The following HDAC9 variants were observed in gnomAD, a reference collection of about 807,000 sequenced individuals.
HDAC9 encodes the protein MEF-2 interacting transcription repressor (MITR) protein.
Under a neutral mutation model 139.4 loss-of-function variants are expected in HDAC9, and 41 were observed. The ratio of observed to expected loss-of-function variants is 0.29; its 90% CI spans 0.23 to 0.38. The LOEUF is 0.38. Among genes scored for constraint, HDAC9 ranks in the 10% least tolerant of loss-of-function variants. The pLI, the probability that HDAC9 is intolerant of heterozygous loss-of-function variation, is 1.00. For missense variants in HDAC9, 1,147 were observed against 1,297.0 expected, an observed-to-expected ratio of 0.88 and a Z score of 1.78; for synonymous variants, 517 against 476.2, an observed-to-expected ratio of 1.09 and a Z score of -1.12.
chr7:18,343,510 T>A (rs1267488240), intron 1 of HDAC9, among the ~76,000 whole-genome samples: 1 of 151,866 alleles, frequency 6.6e-6, no homozygotes, highest in Non-Finnish European at 1.5e-5. Flanking sequence ...TGTGTTCAGC[T>A]CTGCTGTGTC....
At chr7:18,833,005 G>A (rs1795972029) in intron 19 of HDAC9, among the ~76,000 whole-genome samples, 1 of 151,930 alleles carries the variant, frequency 6.6e-6, no homozygotes, top group Admixed American at 6.6e-5. Context: ...CAAAGTGCTG[G>A]GATTACAGGC....
intron 3 of HDAC9, among the ~76,000 whole-genome samples, chr7:18,586,519 G>A (rs1829508015): frequency 6.6e-6 from 1 of 152,110 alleles, no homozygotes; most frequent in East Asian, 1.9e-4. Flanking sequence ...TCAAGTACAA[G>A]CACATTGATA....
At chr7:18,467,880 G>A (rs1794415396) in intron 1 of HDAC9, among the ~76,000 whole-genome samples, 1 of 151,954 alleles carries the variant, frequency 6.6e-6, no homozygotes, top group African/African-American at 2.4e-5. Context: ...GCCTTCCTCT[G>A]GTCCATGCCA....
At chr7:18,837,195 A>G (rs1796295738) in intron 21 of HDAC9, among the ~76,000 whole-genome samples, 2 of 151,770 alleles carry the variant, frequency 1.3e-5, no homozygotes, top group Non-Finnish European at 2.9e-5. Flanking sequence ...ACATTCTGGA[A>G]TGTGTACTTT....
intron 2 of HDAC9, chr7:18,543,630 C>T (rs909061376): frequency 6.6e-6 from 1 of 151,994 alleles, no homozygotes; most frequent in Non-Finnish European, 1.5e-5. Flanking sequence ...CACTAAATGC[C>T]AGATGCTATA....
At chr7:18,099,632 G>A (rs1477846617) in intron 1 of HDAC9, among the ~76,000 whole-genome samples, 1 of 152,116 alleles carries the variant, frequency 6.6e-6, no homozygotes, top group Non-Finnish European at 1.5e-5. Flanking sequence ...AAAGTATAAT[G>A]CTAAGACTAC....
chr7:18,205,225 A>G (rs945804108), intron 2 of HDAC9, among the ~76,000 whole-genome samples: 37 of 152,000 alleles, frequency 2.4e-4, no homozygotes, highest in African/African-American at 8.4e-4. Context: ...ACATTCTAAC[A>G]TATAATTAGA....
chr7:18,746,383 T>A (rs1036117905), intron 13 of HDAC9, among the ~76,000 whole-genome samples: 1 of 152,212 alleles, frequency 6.6e-6, no homozygotes, highest in African/African-American at 2.4e-5. Flanking sequence ...CCTGCTTGCC[T>A]GCTTCCTTTT....
chr7:18,272,337 A>G (rs1796405562), intron 2 of HDAC9, among the ~76,000 whole-genome samples: 1 of 152,342 alleles, frequency 6.6e-6, no homozygotes, highest in Non-Finnish European at 1.5e-5. Context: ...GGCATATTTA[A>G]GATTTTTTAA....
chr7:18,404,729 A>G (rs1449760185), intron 1 of HDAC9, among the ~76,000 whole-genome samples: 6 of 152,252 alleles, frequency 3.9e-5, no homozygotes, highest in African/African-American at 1.4e-4. Flanking sequence ...GATATAAACA[A>G]TAGTTAAGTT....
At chr7:18,549,913 CT>C (rs914005046) in intron 2 of HDAC9, among the ~76,000 whole-genome samples, 3 of 150,988 alleles carry the variant, frequency 2.0e-5, no homozygotes, top group African/African-American at 7.3e-5. Context: ...TTTTTTTCTT[CT>C]TCCTCCTCTT....
At chr7:18,938,230 C>CAAAAAAA (rs71553939) in intron 23 of HDAC9, among the ~76,000 whole-genome samples, 1 of 75,352 alleles carries the variant, frequency 1.3e-5, no homozygotes. Context: ...GACTCCGTCT[C>CAAAAAAA]AAAAAAAAAA....
At chr7:18,817,759 T>C (rs1216251713) in intron 17 of HDAC9, among the ~76,000 whole-genome samples, 1 of 152,196 alleles carries the variant, frequency 6.6e-6, no homozygotes, top group South Asian at 2.1e-4. Flanking sequence ...GGAGAAAAAC[T>C]GTACTATCCC....
chr7:18,578,959 A>G (rs765270976), intron 2 of HDAC9, among the ~76,000 whole-genome samples: 4 of 152,224 alleles, frequency 2.6e-5, no homozygotes, highest in Admixed American at 6.5e-5. Flanking sequence ...GTATTGCTAT[A>G]GGAAGTTATT....
chr7:18,415,858 T>C (rs1284775389), intron 1 of HDAC9, among the ~76,000 whole-genome samples: 3 of 152,232 alleles, frequency 2.0e-5, no homozygotes, highest in Admixed American at 2.0e-4. Context: ...GTATTCTTGC[T>C]CTTTTTTTTA....
intron 22 of HDAC9, among the ~76,000 whole-genome samples, chr7:18,886,338 T>C (rs1327039829): frequency 6.6e-6 from 1 of 152,196 alleles, no homozygotes; most frequent in Non-Finnish European, 1.5e-5. Flanking sequence ...TTACTATAAC[T>C]GTACCATAAC....
At chr7:18,923,330 A>G (rs952013673) in intron 22 of HDAC9, among the ~76,000 whole-genome samples, 1 of 152,120 alleles carries the variant, frequency 6.6e-6, no homozygotes, top group Non-Finnish European at 1.5e-5. Flanking sequence ...CTTGACTCCC[A>G]GTCTAATGCA....
chr7:18,274,638 G>A (rs1796599477), intron 2 of HDAC9, among the ~76,000 whole-genome samples: 1 of 152,222 alleles, frequency 6.6e-6, no homozygotes, highest in African/African-American at 2.4e-5. Context: ...TAGGAAAATG[G>A]ATAAATAATT....
At position 18,765,658 on chromosome 7, in the gene HDAC9, C is replaced by G. The variant is rs147532460; in HGVS notation, c.2165-1448C>G. 2.9e-3 allele frequency among the ~76,000 whole-genome samples: 445 copies of G among 152,144 alleles called. 2 individuals are homozygous for G. The highest frequency in any genetic ancestry group is 0.01 in the African/African-American group (422 of 41,514). ...TATTATCTTCATTCCTGTTTCTTGA[C>G]TATTAAGAATTCAGACACTAAAATG... On this transcript the variant is annotated intron_variant, in intron 15 of 25. Transcript: ENST00000686413.
Sources: gnomAD v4.1 joint callset for allele counts (sites outside exome capture counted in the v4.1 genomes callset) on GRCh38, gnomAD v4.1.1 for gene constraint, MANE v1.5 for transcripts, NCBI Gene and HGNC (gene_info 2026-07-23, HGNC 2026-07-21) for gene names.